Variants in GSG1L observed in about 807,000 individuals in gnomAD.
The protein encoded by GSG1L is germ cell-specific gene 1-like protein.
Under a neutral mutation model 42.1 loss-of-function variants are expected in GSG1L, and 24 were observed. That is an observed-to-expected ratio of 0.57 (90% confidence interval 0.41 to 0.80). The LOEUF is 0.80. Ranked by LOEUF, GSG1L falls within the 30% of genes least tolerant of loss-of-function variation. The pLI, the probability that GSG1L is intolerant of heterozygous loss-of-function variation, is 0.00. For synonymous variants in GSG1L, 215 were observed against 203.5 expected (o/e 1.06, Z -0.48); for missense variants, 445 against 472.2 (o/e 0.94, Z 0.53).
chr16:27,806,973 A>T (rs1263771919), intron 6 of GSG1L, among the ~76,000 whole-genome samples: 1 of 152,138 alleles, frequency 6.6e-6, no homozygotes, highest in Non-Finnish European at 1.5e-5. Flanking sequence ...GACCATTTTA[A>T]CTTTAATCTT....
intron 6 of GSG1L, among the ~76,000 whole-genome samples, chr16:27,799,280 T>A (rs1017362540): frequency 2.0e-5 from 3 of 146,502 alleles, no homozygotes; most frequent in South Asian, 2.2e-4. Flanking sequence ...ACGCCTGTAA[T>A]CTCATCACTT....
At chr16:27,906,504 A>G (rs2141047390) in intron 2 of GSG1L, among the ~76,000 whole-genome samples, 1 of 152,108 alleles carries the variant, frequency 6.6e-6, no homozygotes, top group Admixed American at 6.5e-5. Context: ...AGGTGTTGAG[A>G]TGTTAGTGTG....
chr16:27,788,407 A>C lies in GSG1L; in HGVS notation c.*2963T>G, dbSNP rs892582893. The C allele has an allele frequency of 3.9e-5, 6 of 152,218 alleles. No individual in the cohort carries two copies. The highest frequency in any genetic ancestry group is 2.9e-5 in the Non-Finnish European group (2 of 68,080). 9.4% of individuals were successfully genotyped at this position (152,218 alleles called of 1,614,324 possible). A position where few individuals can be genotyped will look rare whatever the true frequency, so the allele number is the denominator to read the frequency against. On this transcript the variant is annotated 3_prime_UTR_variant, in exon 7 of 7. Transcript: ENST00000447459. ...CCCAGGCGCATCCCAGTCTGCTAAA[A>C]GCATCTCACTGCCCACTCCCCATTG...
rs1006584996 is a variant in GSG1L at position 27,874,553 on chromosome 16, C to T, written c.550+9933G>A. On this transcript the variant is annotated intron_variant, in intron 3 of 6. Transcript: ENST00000447459. ...GCCTCCTCAACCTCCCAGGCTCAAA[C>T]AATCCTCCCACCTCAGCCTACCAAG... Among the ~76,000 whole-genome samples, 9 of 145,126 alleles carry T rather than the reference C, an allele frequency of 6.2e-5. No individual in the cohort carries two copies. In the East Asian group the frequency reaches 1.3e-3, roughly 21 times the overall value.
At chr16:27,951,987 T>C (rs1001949077) in intron 2 of GSG1L, among the ~76,000 whole-genome samples, 3 of 152,174 alleles carry the variant, frequency 2.0e-5, no homozygotes, top group African/African-American at 7.2e-5. Flanking sequence ...CTTTGGAGAT[T>C]GCTTCACAAA....
At chr16:27,843,932 G>C (rs1298398666) in intron 4 of GSG1L, among the ~76,000 whole-genome samples, 1 of 152,154 alleles carries the variant, frequency 6.6e-6, no homozygotes, top group Non-Finnish European at 1.5e-5. Context: ...TCCTACAAGG[G>C]AAGGAGAATG....
At chr16:27,994,966 G>A (rs1229704163) in intron 1 of GSG1L, among the ~76,000 whole-genome samples, 3 of 152,122 alleles carry the variant, frequency 2.0e-5, no homozygotes, top group African/African-American at 7.2e-5. Context: ...CCAAACATAC[G>A]AGGGAAGAGA....
intron 1 of GSG1L, among the ~76,000 whole-genome samples, chr16:27,966,934 C>T (rs561552561): frequency 1.3e-5 from 2 of 152,254 alleles, no homozygotes; most frequent in South Asian, 4.1e-4. Flanking sequence ...AGATAAGGCA[C>T]CTGAAAGCTC....
In GSG1L at chr16:27,997,689, T is replaced by C. The variant is rs542694094; in HGVS notation, c.350-34486A>G. Among the ~76,000 whole-genome samples, 3 of 151,908 alleles carry C rather than the reference T, an allele frequency of 2.0e-5. No homozygotes were observed. In the East Asian group the frequency reaches 5.8e-4, roughly 29 times the overall value. On this transcript the variant is annotated intron_variant, in intron 1 of 6. Transcript: ENST00000447459. ...TGATTTTATTAATTTTTATTGTTAT[T>C]ATTTATATTTTTTTATTTCAGTGCT...
At chr16:27,915,457 C>A (rs897302860) in intron 2 of GSG1L, among the ~76,000 whole-genome samples, 1 of 152,134 alleles carries the variant, frequency 6.6e-6, no homozygotes, top group African/African-American at 2.4e-5. Context: ...CAAGCAAAGC[C>A]ACAGGCAAGA....
rs553837320 is a variant in GSG1L, at chr16:28,008,670, T to G, written c.350-45467A>C. Among the ~76,000 whole-genome samples, 65 of 152,328 alleles carry G rather than the reference T, an allele frequency of 4.3e-4. 1 individual carries two copies. In the South Asian group the frequency reaches 1.0e-2, roughly 23 times the overall value. On this transcript the variant is annotated intron_variant, in intron 1 of 6. Transcript: ENST00000447459. ...GCCCACCAAGGACTTCTCATCACAC[T>G]TAGAATGAAACCGAAGTCCTCACGG...
Position 28,063,320 on chromosome 16 carries a change from G to A in GSG1L, c.105C>T (p.Gly35=). The A allele has an allele frequency of 7.1e-7, 1 of 1,399,892 alleles. No homozygotes were observed. The highest frequency in any genetic ancestry group is 9.4e-7 in the Non-Finnish European group (1 of 1,069,420). The allele number at this position is 1,399,892 out of a possible 1,614,324, so 86.7% of individuals were successfully genotyped here. A position where few individuals can be genotyped will look rare whatever the true frequency, so the allele number is the denominator to read the frequency against. The change falls in exon 1 of 7, where the codon GGC becomes GGT. Residue 35 remains glycine, a synonymous_variant. Transcript: ENST00000447459. This position sits in a 1 kb window ranked among gnomAD's most constrained non-coding sequence, Gnocchi z 5.8. ...TAFLTTHWCQ[G]TQRVPKPGCG... ...AGCCCGGCTTGGGGACCCGCTGCGT[G>A]CCCTGGCACCAGTGCGTGGTGAGGA...
chr16:28,017,470 A>AGTTGC (rs2085794287), intron 1 of GSG1L, among the ~76,000 whole-genome samples: 2 of 152,224 alleles, frequency 1.3e-5, no homozygotes, highest in Admixed American at 6.5e-5. Context: ...ATTCAAAGGA[A>AGTTGC]TCCGTGCCAG....
intron 2 of GSG1L, among the ~76,000 whole-genome samples, chr16:27,954,048 G>T (rs1173867094): frequency 1.3e-5 from 2 of 152,126 alleles, no homozygotes; most frequent in African/African-American, 4.8e-5. Flanking sequence ...TTTCTATTGT[G>T]GACCAGCTGA....
intron 4 of GSG1L, among the ~76,000 whole-genome samples, chr16:27,832,402 G>C (rs2140969925): frequency 6.6e-6 from 1 of 152,304 alleles, no homozygotes; most frequent in East Asian, 1.9e-4. Flanking sequence ...CACAAATCCT[G>C]AAAGCCACCT....
chr16:27,808,032 C>T (rs1011906043), intron 5 of GSG1L, among the ~76,000 whole-genome samples: 1 of 152,170 alleles, frequency 6.6e-6, no homozygotes, highest in Admixed American at 6.5e-5. Context: ...TTTTTGCTAA[C>T]TTTATTTTCT....
intron 4 of GSG1L, among the ~76,000 whole-genome samples, chr16:27,833,368 C>T (rs781469339): frequency 6.6e-6 from 1 of 152,108 alleles, no homozygotes; most frequent in Admixed American, 6.5e-5. Context: ...TATCCTTCCA[C>T]TAATATCACA....
chr16:28,032,061 A>G (rs1022696568), intron 1 of GSG1L, among the ~76,000 whole-genome samples: 3 of 152,246 alleles, frequency 2.0e-5, no homozygotes, highest in African/African-American at 4.8e-5. Flanking sequence ...GGGGAACTGT[A>G]TCTCTTGGGT....
At chr16:28,018,213 A>G (rs2085801943) in intron 1 of GSG1L, among the ~76,000 whole-genome samples, 1 of 152,200 alleles carries the variant, frequency 6.6e-6, no homozygotes, top group South Asian at 2.1e-4. Flanking sequence ...TGGCTGTAAT[A>G]AAAACCTAAC....
Sources: gnomAD v4.1 joint callset for allele counts (sites outside exome capture counted in the v4.1 genomes callset) on GRCh38, gnomAD v4.1.1 for gene constraint, Gnocchi (gnomAD v3.1) non-coding constraint, MANE v1.5 for transcripts, NCBI Gene and HGNC (gene_info 2026-07-23, HGNC 2026-07-21) for gene names.